The following NAV3 variants were observed in gnomAD, a reference collection of about 807,000 sequenced individuals.
NAV3 encodes the protein pore membrane and/or filament interacting like protein 1.
Under a neutral mutation model 244.7 loss-of-function variants are expected in NAV3, and 87 were observed. The observed-to-expected ratio is 0.36, with a 90% confidence interval of 0.30 to 0.42. NAV3 has a LOEUF of 0.42. Among genes scored for constraint, NAV3 ranks in the 20% least tolerant of loss-of-function variants. NAV3 has a pLI of 1.00. For missense variants in NAV3, 2,663 were observed against 2,893.3 expected (o/e 0.92, Z 1.83); for synonymous variants, 1,126 against 1,042.2 (o/e 1.08, Z -1.55).
intron 16 of NAV3, 112 bp downstream of exon 16, chr12:78,122,540 G>C: frequency 7.6e-7 from 1 of 1,308,094 alleles, no homozygotes; most frequent in Non-Finnish European, 1.0e-6. Flanking sequence ...GGTGCAAAAA[G>C]ATGTAAGACT....
At chr12:77,630,475 T>G (rs1427736335) in intron 2 of NAV3, among the ~76,000 whole-genome samples, 1 of 152,236 alleles carries the variant, frequency 6.6e-6, no homozygotes, top group Non-Finnish European at 1.5e-5. Flanking sequence ...CTCCATAGAA[T>G]GTATTGCTGT....
chr12:77,592,255 C>T (rs993250110), intron 2 of NAV3, among the ~76,000 whole-genome samples: 31 of 152,286 alleles, frequency 2.0e-4, no homozygotes, highest in African/African-American at 6.5e-4. Context: ...TAAAGAGCCA[C>T]CTAGAGAGGG....
chr12:78,007,340 T>C lies in NAV3; in HGVS notation c.1802T>C (p.Val601Ala). 1 of 1,614,170 alleles carries C rather than the reference T, an allele frequency of 6.2e-7. No homozygotes were observed. Residue 601 changes from valine to alanine, a missense_variant, in exon 8 of 40, where the codon GTG becomes GCG. Around this residue, in one of 6 missense-constraint regions of NAV3, gnomAD observed 1,521 missense variants for 1,497.0 expected, o/e 1.02. Coordinates refer to ENST00000397909, the MANE Select transcript of NAV3 (RefSeq NM_001024383.2). ...CCTTCTGGTTCCTGTACCATGACAG[T>C]GGCACAAAGCAGTGGGCAGAGCACA... is the stretch of plus-strand genomic sequence containing the variant. ...ASPSGSCTMT[V>A]AQSSGQSTGN... is the part of the protein sequence containing the mutation.
chr12:77,754,034 T>G (rs922857696), intron 2 of NAV3, among the ~76,000 whole-genome samples: 5 of 152,178 alleles, frequency 3.3e-5, no homozygotes, highest in African/African-American at 7.2e-5. Flanking sequence ...CAAGTTTGTT[T>G]CAGAAATAAT....
At chr12:77,900,001 C>T (rs1255717656) in intron 1 of NAV3, among the ~76,000 whole-genome samples, 1 of 151,862 alleles carries the variant, frequency 6.6e-6, no homozygotes, top group Non-Finnish European at 1.5e-5. Flanking sequence ...GAATAGTATC[C>T]AACAGGAAAT....
chr12:77,679,307 G>A (rs2137108221), intron 2 of NAV3, among the ~76,000 whole-genome samples: 1 of 152,300 alleles, frequency 6.6e-6, no homozygotes, highest in African/African-American at 2.4e-5. Flanking sequence ...AAGACATTAT[G>A]AGAAGGTTTA....
intron 2 of NAV3, among the ~76,000 whole-genome samples, chr12:77,787,377 C>T (rs1456577565): frequency 6.6e-6 from 1 of 152,108 alleles, no homozygotes; most frequent in Non-Finnish European, 1.5e-5. Flanking sequence ...CTAATAAAGA[C>T]ATATCCGAAA....
intron 2 of NAV3, among the ~76,000 whole-genome samples, chr12:77,714,390 G>A (rs980427750): frequency 4.6e-5 from 7 of 152,074 alleles, no homozygotes; most frequent in Admixed American, 4.6e-4. Context: ...GAACTGTGCT[G>A]AGCCCTGTAC....
intron 2 of NAV3, among the ~76,000 whole-genome samples, chr12:77,573,314 A>C (rs1276356329): frequency 6.6e-6 from 1 of 152,166 alleles, no homozygotes; most frequent in Non-Finnish European, 1.5e-5. Flanking sequence ...TTGTTTTGCC[A>C]ATATAATTAA....
intron 1 of NAV3, among the ~76,000 whole-genome samples, chr12:77,897,210 T>C (rs938180207): frequency 3.9e-5 from 6 of 152,208 alleles, no homozygotes; most frequent in African/African-American, 1.4e-4. Context: ...GGTGATTTTC[T>C]ATTGTGATTT....
intron 5 of NAV3, 140 bp downstream of exon 5, chr12:77,968,842 A>G: frequency 1.2e-6 from 1 of 807,968 alleles, no homozygotes; most frequent in Non-Finnish European, 1.9e-6. Flanking sequence ...CTTGTGTAAT[A>G]GAAACTAAAA....
intron 25 of NAV3, among the ~76,000 whole-genome samples, chr12:78,176,166 C>A (rs911943443): frequency 3.3e-5 from 5 of 151,620 alleles, no homozygotes; most frequent in African/African-American, 1.2e-4. Flanking sequence ...AGCTAAATAG[C>A]CCAGGGGAAG....
At chr12:78,174,051 A>G (rs973452788) in intron 24 of NAV3, among the ~76,000 whole-genome samples, 2 of 151,830 alleles carry the variant, frequency 1.3e-5, no homozygotes, top group South Asian at 2.1e-4. Flanking sequence ...TGTCAGCTTT[A>G]TAGTAAATTT....
chr12:78,206,969 C>T (rs1401997607), intron 39 of NAV3, among the ~76,000 whole-genome samples: 1 of 149,920 alleles, frequency 6.7e-6, no homozygotes, highest in East Asian at 2.0e-4. Context: ...AGCAATTCTC[C>T]TGCCTCAGCC....
chr12:77,993,748 A>G (rs1368304356), intron 5 of NAV3, among the ~76,000 whole-genome samples: 5 of 152,170 alleles, frequency 3.3e-5, no homozygotes, highest in African/African-American at 4.8e-5. Flanking sequence ...TGGATCAACT[A>G]CATCAGGACT....
At chr12:77,817,004 T>C (rs1592708763) in intron 2 of NAV3, among the ~76,000 whole-genome samples, 2 of 152,216 alleles carry the variant, frequency 1.3e-5, no homozygotes, top group African/African-American at 4.8e-5. Flanking sequence ...GCACGGCTGG[T>C]ATTTTATCTG....
intron 2 of NAV3, among the ~76,000 whole-genome samples, chr12:77,640,119 G>C (rs1872341972): frequency 6.6e-6 from 1 of 152,122 alleles, no homozygotes; most frequent in Non-Finnish European, 1.5e-5. Context: ...CATGTAGTTT[G>C]TTTGTTCCCT....
intron 16 of NAV3, among the ~76,000 whole-genome samples, chr12:78,124,485 ACT>A (rs1370249196): frequency 6.6e-6 from 1 of 151,892 alleles, no homozygotes; most frequent in Non-Finnish European, 1.5e-5. Context: ...ATGGAGCCTC[ACT>A]CTGTCGCCCA....
At chr12:78,140,484 C>T (rs998452300) in intron 20 of NAV3, 150 bp downstream of exon 20, 15 of 680,772 alleles carry the variant, frequency 2.2e-5, no homozygotes, top group East Asian at 2.2e-4. Flanking sequence ...CTGCCCAATA[C>T]CCAATAAAGT....
Sources: allele counts gnomAD v4.1 joint callset (sites outside exome capture counted in the v4.1 genomes callset), GRCh38; gene constraint gnomAD v4.1.1; regional missense constraint gnomAD v4.1.1; transcripts MANE v1.5; gene names NCBI Gene and HGNC (gene_info 2026-07-23, HGNC 2026-07-21).